Variants in CAST observed in about 807,000 individuals in gnomAD.
CAST encodes the protein calpastatin.
In CAST, 76 loss-of-function variants were observed where a neutral mutation model predicts 119.6. That is an observed-to-expected ratio of 0.64 (90% CI 0.53 to 0.77). CAST has a LOEUF of 0.77. CAST is among the 30% of genes least tolerant of loss of function. The pLI is 0.00. For missense variants in CAST, 953 were observed against 946.5 expected, an observed-to-expected ratio of 1.01 and a Z score of -0.09; for synonymous variants, 319 against 331.6, an observed-to-expected ratio of 0.96 and a Z score of 0.41.
chr5:96,299,654 G>A, the CAST span, among the ~76,000 whole-genome samples: 1 of 152,140 alleles, frequency 6.6e-6, no homozygotes, highest in Non-Finnish European at 1.5e-5. Flanking sequence ...CTGATATGAA[G>A]TAATATTTAT....
intron 1 of CAST, among the ~76,000 whole-genome samples, chr5:96,630,033 AG>A (rs1747796148): frequency 6.6e-6 from 1 of 152,210 alleles, no homozygotes; most frequent in African/African-American, 2.4e-5. Flanking sequence ...AGAAGGCTTG[AG>A]ATATCTGTCA....
the CAST span, among the ~76,000 whole-genome samples, chr5:96,508,830 T>G: frequency 6.6e-6 from 1 of 152,162 alleles, no homozygotes; most frequent in African/African-American, 2.4e-5. Flanking sequence ...TAGTTAAGGG[T>G]GCAGACTTAT....
chr5:96,719,860 G>C (rs1478096534), intron 3 of CAST, among the ~76,000 whole-genome samples: 1 of 152,102 alleles, frequency 6.6e-6, no homozygotes, highest in Non-Finnish European at 1.5e-5. Context: ...TGCAGAGAGT[G>C]CTCCTTTCCA....
chr5:96,607,210 C>A (rs528455497), intron 1 of CAST, among the ~76,000 whole-genome samples: 27 of 152,276 alleles, frequency 1.8e-4, no homozygotes, highest in African/African-American at 6.3e-4. Context: ...ATGGAGGGAA[C>A]CCTGAAGGCG....
chr5:96,574,343 C>T (rs191356459), intron 1 of CAST, among the ~76,000 whole-genome samples: 1,030 of 5,172 alleles, frequency 0.2, 454 homozygotes, highest in East Asian at 1. Context: ...AGGCGTGAGC[C>T]ACCGCGCCCG....
At chr5:96,106,555 A>C in the CAST span, among the ~76,000 whole-genome samples, 1 of 149,590 alleles carries the variant, frequency 6.7e-6, no homozygotes, top group African/African-American at 2.5e-5. Flanking sequence ...CTTAATCCTG[A>C]GTTCTAGTTT....
intron 2 of CAST, among the ~76,000 whole-genome samples, chr5:96,689,027 C>CAT (rs58974765): frequency 0.38 from 57,280 of 151,676 alleles, 12,517 homozygotes; most frequent in African/African-American, 0.58. Flanking sequence ...GGCACACACA[C>CAT]GTGTTTGAGT....
chr5:96,101,376 A>G, the CAST span, among the ~76,000 whole-genome samples: 1 of 152,256 alleles, frequency 6.6e-6, no homozygotes, highest in Non-Finnish European at 1.5e-5. Flanking sequence ...TGAGATATGT[A>G]GAAAGTGCTC....
At chr5:96,439,532 T>C in the CAST span, among the ~76,000 whole-genome samples, 1 of 152,168 alleles carries the variant, frequency 6.6e-6, no homozygotes, top group East Asian at 1.9e-4. Flanking sequence ...CTTTAAAGTC[T>C]GTTTCAAAAG....
the CAST span, among the ~76,000 whole-genome samples, chr5:96,508,416 G>A: frequency 6.6e-6 from 1 of 152,084 alleles, no homozygotes; most frequent in Admixed American, 6.6e-5. Flanking sequence ...TTAATAAATT[G>A]TAGCTACGAT....
At chr5:96,216,312 C>T in the CAST span, among the ~76,000 whole-genome samples, 4 of 152,072 alleles carry the variant, frequency 2.6e-5, no homozygotes, top group Admixed American at 6.6e-5. Flanking sequence ...CTCCCCTAAC[C>T]CCCACATTGT....
the CAST span, among the ~76,000 whole-genome samples, chr5:96,033,457 G>T: frequency 6.6e-6 from 1 of 152,012 alleles, no homozygotes. Flanking sequence ...CAAACATATT[G>T]ACCAGTGAAA....
the CAST span, among the ~76,000 whole-genome samples, chr5:96,167,381 G>A: frequency 6.6e-6 from 1 of 152,136 alleles, no homozygotes; most frequent in African/African-American, 2.4e-5. Context: ...GGGATGACAA[G>A]TTTTTTGGGG....
intron 10 of CAST, among the ~76,000 whole-genome samples, chr5:96,736,469 A>T (rs1325335974): frequency 1.3e-5 from 2 of 149,440 alleles, no homozygotes; most frequent in East Asian, 3.9e-4. Flanking sequence ...AAACAAACAA[A>T]CTCCAGTTTC....
intron 3 of CAST, among the ~76,000 whole-genome samples, chr5:96,699,388 A>G (rs1351171547): frequency 6.6e-6 from 1 of 152,204 alleles, no homozygotes; most frequent in South Asian, 2.1e-4. Context: ...CCAAAAAGGA[A>G]TTTCTTAAGG....
At chr5:96,151,244 G>C in the CAST span, among the ~76,000 whole-genome samples, 1 of 152,216 alleles carries the variant, frequency 6.6e-6, no homozygotes, top group Admixed American at 6.5e-5. Flanking sequence ...AGAGGCAGAG[G>C]AAGGAGAGGA....
At chr5:96,639,822 G>C (rs1425354917) in intron 1 of CAST, among the ~76,000 whole-genome samples, 1 of 152,150 alleles carries the variant, frequency 6.6e-6, no homozygotes, top group Non-Finnish European at 1.5e-5. Flanking sequence ...GGTTTGGGTA[G>C]TTCCCTCAAC....
the CAST span, among the ~76,000 whole-genome samples, chr5:96,109,681 C>A: frequency 6.6e-6 from 1 of 152,142 alleles, no homozygotes; most frequent in African/African-American, 2.4e-5. Context: ...AAGATTGTAT[C>A]TTCTGCACAC....
the CAST span, among the ~76,000 whole-genome samples, chr5:96,502,772 C>A: frequency 6.6e-6 from 1 of 152,064 alleles, no homozygotes; most frequent in Non-Finnish European, 1.5e-5. Context: ...GAAACATTTG[C>A]AAGCATAAAA....
Sources: gnomAD v4.1 joint callset for allele counts (sites outside exome capture counted in the v4.1 genomes callset) on GRCh38, gnomAD v4.1.1 for gene constraint, MANE v1.5 for transcripts, NCBI Gene and HGNC (gene_info 2026-07-23, HGNC 2026-07-21) for gene names.